The following NRG3 variants were observed in gnomAD, a reference collection of about 807,000 sequenced individuals.
NRG3 encodes pro-neuregulin-3, membrane-bound isoform.
A neutral mutation model predicts 66.9 loss-of-function variants in NRG3; 31 were observed. The observed-to-expected ratio is 0.46, with a 90% CI of 0.35 to 0.63. NRG3 has a LOEUF of 0.63. Among genes scored for constraint, NRG3 ranks in the 20% least tolerant of loss-of-function variants. The pLI, the probability that NRG3 is intolerant of heterozygous loss-of-function variation, is 0.00. For synonymous variants in NRG3, 393 were observed against 359.4 expected, an observed-to-expected ratio of 1.09 and a Z score of -1.06; for missense variants, 910 against 878.9, an observed-to-expected ratio of 1.04 and a Z score of -0.45.
chr10:82,687,302 A>G (rs2054585531), intron 2 of NRG3, among the ~76,000 whole-genome samples: 1 of 152,160 alleles, frequency 6.6e-6, no homozygotes, highest in South Asian at 2.1e-4. Context: ...CAAGGAGTTC[A>G]TACGGCTGCT....
intron 5 of NRG3, among the ~76,000 whole-genome samples, chr10:82,957,912 G>A (rs1200408613): frequency 6.6e-6 from 1 of 151,992 alleles, no homozygotes; most frequent in East Asian, 1.9e-4. Context: ...GTGTGTGTGT[G>A]TGTGTGTGTG....
intron 2 of NRG3, among the ~76,000 whole-genome samples, chr10:82,618,422 G>A (rs2048810408): frequency 6.6e-6 from 1 of 152,154 alleles, no homozygotes; most frequent in African/African-American, 2.4e-5. Flanking sequence ...ATCACTTGGT[G>A]ACTGACAGTT....
At chr10:82,491,074 A>C (rs1335713374) in intron 2 of NRG3, among the ~76,000 whole-genome samples, 1 of 151,410 alleles carries the variant, frequency 6.6e-6, no homozygotes. Context: ...CTCTACACCC[A>C]TCATACCATC....
chr10:82,158,140 G>A (rs2071318704), intron 1 of NRG3, among the ~76,000 whole-genome samples: 1 of 151,714 alleles, frequency 6.6e-6, no homozygotes, highest in Non-Finnish European at 1.5e-5. Context: ...ACTGAACCTT[G>A]ATAAGGAAAA....
chr10:82,683,928 A>G (rs1179699639), intron 2 of NRG3, among the ~76,000 whole-genome samples: 3 of 152,186 alleles, frequency 2.0e-5, no homozygotes, highest in Non-Finnish European at 4.4e-5. Flanking sequence ...TGTTTTATGG[A>G]AAAAAGCCCT....
chr10:82,600,965 C>T (rs2047589704), intron 2 of NRG3, among the ~76,000 whole-genome samples: 1 of 152,042 alleles, frequency 6.6e-6, no homozygotes, highest in Non-Finnish European at 1.5e-5. Context: ...CTTTTGGAGT[C>T]TCCAGTGTCT....
At chr10:82,592,110 T>G in intron 2 of NRG3, among the ~76,000 whole-genome samples, 1 of 152,184 alleles carries the variant, frequency 6.6e-6, no homozygotes, top group East Asian at 1.9e-4. Flanking sequence ...TAAACAAAAC[T>G]TCCAAAATAA....
intron 2 of NRG3, among the ~76,000 whole-genome samples, chr10:82,451,693 C>T (rs1267367596): frequency 6.6e-6 from 1 of 152,036 alleles, no homozygotes; most frequent in African/African-American, 2.4e-5. Context: ...CTCTGTGTGC[C>T]TCTGCTTGTC....
intron 3 of NRG3, among the ~76,000 whole-genome samples, 156 bp downstream of exon 3, chr10:82,738,806 C>T (rs545716057): frequency 6.6e-6 from 1 of 152,278 alleles, no homozygotes; most frequent in South Asian, 2.1e-4. Flanking sequence ...TTCAAAGCAT[C>T]CTCAGAGCTG....
chr10:82,760,717 A>G (rs1012610025), intron 3 of NRG3, among the ~76,000 whole-genome samples: 5 of 152,052 alleles, frequency 3.3e-5, no homozygotes, highest in Non-Finnish European at 5.9e-5. Context: ...ACCAAAACTA[A>G]AGAACTAATA....
chr10:82,221,284 G>A (rs1057453413), intron 1 of NRG3, among the ~76,000 whole-genome samples: 11 of 149,632 alleles, frequency 7.4e-5, no homozygotes, highest in African/African-American at 2.7e-4. Context: ...AAAAAAAACA[G>A]GCCACAAAAT....
intron 2 of NRG3, among the ~76,000 whole-genome samples, chr10:82,673,888 G>A (rs1370963847): frequency 6.6e-6 from 1 of 152,164 alleles, no homozygotes; most frequent in Admixed American, 6.5e-5. Context: ...CAAATGCTCA[G>A]AGGGAAAGAA....
At chr10:82,447,288 A>G (rs747156866) in intron 2 of NRG3, among the ~76,000 whole-genome samples, 3 of 152,172 alleles carry the variant, frequency 2.0e-5, no homozygotes, top group Non-Finnish European at 4.4e-5. Context: ...AGTGCAGGCA[A>G]CCAGCAGTCG....
chr10:82,834,219 A>T (rs891398886), intron 3 of NRG3, among the ~76,000 whole-genome samples: 4 of 152,200 alleles, frequency 2.6e-5, no homozygotes, highest in African/African-American at 7.2e-5. Flanking sequence ...TCTTCCTAAA[A>T]ACTGTATTAG....
intron 2 of NRG3, among the ~76,000 whole-genome samples, chr10:82,565,631 C>G (rs985731849): frequency 1.3e-5 from 2 of 152,076 alleles, no homozygotes; most frequent in Admixed American, 1.3e-4. Flanking sequence ...GGCACTACCA[C>G]TCTCAGGCTT....
chr10:82,908,436 C>A lies in NRG3; in HGVS notation c.1054+42999C>A, dbSNP rs117854200. Among the ~76,000 whole-genome samples, 1,283 of 152,286 alleles carry A rather than the reference C, an allele frequency of 8.4e-3. 9 individuals carry two copies. Among genetic ancestry groups the A allele is most frequent in the Non-Finnish European group, 0.014 (939 of 68,016 alleles). ...GACCTGAGCAGAAGATACACTGAGA[C>A]CTGCCAAGTTCTGAGCATGAAAAGC... is the stretch of plus-strand genomic sequence containing the variant. On this transcript the variant is annotated intron_variant, in intron 4 of 8. Transcript: ENST00000372141.
rs575673299 is a variant in NRG3, at chr10:82,929,649, C to T, written c.1055-21820C>T. 3.9e-5 allele frequency among the ~76,000 whole-genome samples: 6 copies of T among 151,940 alleles called. No individual in the cohort carries two copies. In the South Asian group the frequency reaches 8.3e-4, roughly 21 times the overall value. On this transcript the variant is annotated intron_variant, in intron 4 of 8. Coordinates refer to ENST00000372141, the MANE Select transcript of NRG3 (RefSeq NM_001010848.4). ...CTGTAATCCCAGCACTTTGGGAGGC[C>T]GAGGCAAGAGGATCACTTGAGGTCA... is the stretch of plus-strand genomic sequence containing the variant.
At chr10:82,844,858 T>G (rs1487822832) in intron 3 of NRG3, among the ~76,000 whole-genome samples, 3 of 152,088 alleles carry the variant, frequency 2.0e-5, no homozygotes, top group African/African-American at 7.2e-5. Context: ...GGTTGGAAAT[T>G]TAAAGGGCTT....
chr10:82,782,936 G>T (rs2060181172), intron 3 of NRG3, among the ~76,000 whole-genome samples: 1 of 152,188 alleles, frequency 6.6e-6, no homozygotes, highest in Non-Finnish European at 1.5e-5. Context: ...TATCCTTGAT[G>T]AACATTGATG....
Sources: gnomAD v4.1 joint callset for allele counts (sites outside exome capture counted in the v4.1 genomes callset) on GRCh38, gnomAD v4.1.1 for gene constraint, MANE v1.5 for transcripts, NCBI Gene and HGNC (gene_info 2026-07-23, HGNC 2026-07-21) for gene names.